BAHD1: variants seen among roughly 807,000 people sequenced by gnomAD.
The protein encoded by BAHD1 is bromo adjacent homology domain-containing 1 protein.
BAHD1 carries 20 observed loss-of-function variants against 63.1 expected under a neutral mutation model. That is an observed-to-expected ratio of 0.32 (90% confidence interval 0.22 to 0.46). BAHD1 has a LOEUF of 0.46. Among genes scored for constraint, BAHD1 ranks in the 20% least tolerant of loss-of-function variants. The pLI is 1.00. For missense variants in BAHD1, 939 were observed against 1,071.8 expected (o/e 0.88, Z 1.73); for synonymous variants, 408 against 426.8 (o/e 0.96, Z 0.54).
At chr15:40,450,247 G>C (rs1893663133) in intron 1 of BAHD1, among the ~76,000 whole-genome samples, 1 of 152,200 alleles carries the variant, frequency 6.6e-6, no homozygotes, top group Non-Finnish European at 1.5e-5. Context: ...TTCTGCTCCT[G>C]CTAGTGGAGT....
chr15:40,445,940 C>A (rs756295072), intron 1 of BAHD1, among the ~76,000 whole-genome samples: 1 of 152,196 alleles, frequency 6.6e-6, no homozygotes, highest in African/African-American at 2.4e-5. Flanking sequence ...TGGGCCAGCT[C>A]ATGGCTGGAA....
At chr15:40,463,544 G>A (rs1197851544) in intron 3 of BAHD1, among the ~76,000 whole-genome samples, 3 of 152,216 alleles carry the variant, frequency 2.0e-5, no homozygotes, top group African/African-American at 4.8e-5. Flanking sequence ...GGTTCAGACC[G>A]AGACTTGTTC....
Position 40,465,156 on chromosome 15 carries a change from AG to A in BAHD1, c.2053-176del, listed in dbSNP as rs745500883. 5.2e-4 allele frequency: 314 copies of A among 609,622 alleles called. 2 individuals carry two copies. The highest frequency in any genetic ancestry group is 7.7e-4 in the Non-Finnish European group (261 of 341,020). The allele number at this position is 609,622 out of a possible 1,614,324, so 37.8% of individuals were successfully genotyped here. On this transcript the variant is annotated intron_variant, in intron 5 of 6. Transcript: ENST00000416165. ...ATTCTGGAGAAGGGGGGGACCTAGAAGGGACTCAGGAGGAATGCCTGGAGGC... is the reference window on the plus strand; with the variant it reads ...ATTCTGGAGAAGGGGGGGACCTAGAAGGACTCAGGAGGAATGCCTGGAGGC...
rs1380271293 is a variant in BAHD1, at chr15:40,441,104, G to T, written c.-179G>T. ...CCCCCCCCGACGGCCCCGCCCGGCCGCGGTCCCCGCTCCGCCCGCCCGGCC... is the reference window on the plus strand; with the variant it reads ...CCCCCCCCGACGGCCCCGCCCGGCCTCGGTCCCCGCTCCGCCCGCCCGGCC... On this transcript the variant is annotated 5_prime_UTR_variant, in exon 1 of 7. Coordinates refer to ENST00000416165, the MANE Select transcript of BAHD1 (RefSeq NM_014952.5). The T allele has an allele frequency of 6.8e-6, 1 of 145,994 alleles. No homozygotes were observed. The highest frequency in any genetic ancestry group is 2.0e-4 in the East Asian group (1 of 4,946). 9.0% of individuals were successfully genotyped at this position (145,994 alleles called of 1,614,324 possible). A position where few individuals can be genotyped will look rare whatever the true frequency, so the allele number is the denominator to read the frequency against.
rs1595866181 is a variant in BAHD1 at position 40,466,360 on chromosome 15, C to A, written c.*230C>A. 7.8e-6 allele frequency: 3 copies of A among 382,312 alleles called. No individual in the cohort carries two copies. The East Asian group carries it at 1.3e-4, about 16-fold the overall frequency. The allele number at this position is 382,312 out of a possible 1,614,324, so 23.7% of individuals were successfully genotyped here. A position where few individuals can be genotyped will look rare whatever the true frequency, so the allele number is the denominator to read the frequency against. ...AGAACTCTCAGCTTGGCCCAAGGTA[C>A]CTTCTGTGGTTCCCCTGGGTGGAGA... On this transcript the variant is annotated 3_prime_UTR_variant, in exon 7 of 7. Transcript: ENST00000416165.
At chr15:40,464,301 C>T in intron 4 of BAHD1, 170 bp from the exon 5 acceptor site, 1 of 672,228 alleles carries the variant, frequency 1.5e-6, no homozygotes, top group Non-Finnish European at 2.6e-6. Context: ...CCCTCCATGC[C>T]TAACAGCATT....
At chr15:40,464,086 T>TG in intron 4 of BAHD1, 66 bp downstream of exon 4, 1 of 1,564,046 alleles carries the variant, frequency 6.4e-7, no homozygotes, top group Non-Finnish European at 8.7e-7. Context: ...GTCCCCAGAT[T>TG]GGCCCCTGCC....
chr15:40,445,314 T>C (rs1378037230), intron 1 of BAHD1, among the ~76,000 whole-genome samples: 1 of 149,824 alleles, frequency 6.7e-6, no homozygotes, highest in Admixed American at 6.6e-5. Context: ...AGGTATAAGT[T>C]GGGGCACATT....
At chr15:40,447,902 C>T (rs966647676) in intron 1 of BAHD1, among the ~76,000 whole-genome samples, 4 of 152,128 alleles carry the variant, frequency 2.6e-5, no homozygotes, top group African/African-American at 9.7e-5. Context: ...CTCATTTATT[C>T]ATTTATTTAT....
At chr15:40,453,335 G>C (rs1893759704) in intron 1 of BAHD1, 1 of 152,218 alleles carries the variant, frequency 6.6e-6, no homozygotes, top group African/African-American at 2.4e-5. Flanking sequence ...AATTTCAGCA[G>C]CTTCACCTGT....
Position 40,459,603 on chromosome 15 carries a change from A to G in BAHD1, c.1139A>G (p.Tyr380Cys), listed in dbSNP as rs984252393. The G allele has an allele frequency of 2.5e-6, 4 of 1,613,992 alleles. No homozygotes were observed. The highest frequency in any genetic ancestry group is 4.5e-5 in the East Asian group (2 of 44,892). ...GAGCTCACTGCACTAGGCAGCTTCT[A>G]CCTGTACTGTGGCCAAGAGGGGCTG... is the stretch of plus-strand genomic sequence containing the variant. Reference protein sequence around the residue: ...GPELTALGSFYLYCGQEGLQC... With the variant: ...GPELTALGSFCLYCGQEGLQC... Residue 380 changes from tyrosine to cysteine, a missense_variant, in exon 2 of 7, where the codon TAC becomes TGC. Tyr to Cys is a radical substitution (Grantham distance 194). Transcript: ENST00000416165.
At chr15:40,456,531 C>T (rs1348392767) in intron 1 of BAHD1, among the ~76,000 whole-genome samples, 1 of 152,230 alleles carries the variant, frequency 6.6e-6, no homozygotes, top group African/African-American at 2.4e-5. Flanking sequence ...TGTCCTTTCT[C>T]AGGGGTGAAG....
rs181181547 is a variant in BAHD1, at chr15:40,452,869, C to G, written c.-14-5582C>G. 2.8e-3 allele frequency among the ~76,000 whole-genome samples: 425 copies of G among 152,342 alleles called. 1 individual carries two copies. The highest frequency in any genetic ancestry group is 4.0e-3 in the Non-Finnish European group (273 of 68,032). On this transcript the variant is annotated intron_variant, in intron 1 of 6. Coordinates refer to ENST00000416165, the MANE Select transcript of BAHD1 (RefSeq NM_014952.5). ...TTGCTGAGTTGTAAACTGAACCCCC[C>G]ACAACTCACCCCACACTGGGTCCTG...
intron 1 of BAHD1, chr15:40,454,396 C>G (rs923902405): frequency 6.6e-6 from 1 of 152,410 alleles, no homozygotes; most frequent in African/African-American, 2.4e-5. Context: ...CACTCAGACC[C>G]TACTATGACA....
rs377354560 is a variant in BAHD1, at chr15:40,458,989, C to G, written c.525C>G (p.Asp175Glu). 2 of 1,585,024 alleles carry G rather than the reference C, an allele frequency of 1.3e-6. No homozygotes were observed. ...CCAAGAAGCGGCCCCGGCTGGGGGA[C>G]CTTGGAGGAGGAAGTCGGGACCTGT... is the stretch of plus-strand genomic sequence containing the variant. ...SSSKKRPRLG[D>E]LGGGSRDLSP... Residue 175 changes from aspartate (D) to glutamate (E), a missense_variant, in exon 2 of 7, where the codon GAC becomes GAG. By Grantham distance (45) the Asp-to-Glu change is conservative. This residue lies in a region of BAHD1 where 797 missense variants were observed against 813.3 expected (regional missense o/e 0.98). Coordinates refer to ENST00000416165, the MANE Select transcript of BAHD1 (RefSeq NM_014952.5). The surrounding 1 kb of genome is among the most constrained non-coding windows in gnomAD (Gnocchi z 4.7).
Position 40,462,231 on chromosome 15 carries a change from TCGC to T in BAHD1, c.1759_1761del (p.Arg587del). The stretch of plus-strand genomic sequence containing the variant: ...AGCGCCCACGCCCTCGCCGCCGCCG[TCGC>T]CGCCGCACTAATGGCTGGGTACCTG... On this transcript the variant is annotated inframe_deletion, in exon 3 of 7. Transcript: ENST00000416165. The T allele has an allele frequency of 1.2e-6, 2 of 1,611,276 alleles. No homozygotes were observed. The highest frequency in any genetic ancestry group is 1.7e-6 in the Non-Finnish European group (2 of 1,178,930).
chr15:40,455,494 G>C (rs569464592), intron 1 of BAHD1, among the ~76,000 whole-genome samples: 2 of 152,318 alleles, frequency 1.3e-5, no homozygotes, highest in Non-Finnish European at 2.9e-5. Flanking sequence ...GGAAGACTGA[G>C]TGGGGACAAC....
At chr15:40,447,306 C>G (rs1893566669) in intron 1 of BAHD1, among the ~76,000 whole-genome samples, 1 of 152,072 alleles carries the variant, frequency 6.6e-6, no homozygotes, top group Admixed American at 6.5e-5. Context: ...GTGGCTCACA[C>G]CTTTAATCCC....
intron 1 of BAHD1, among the ~76,000 whole-genome samples, chr15:40,443,031 T>G (rs1327571746): frequency 6.6e-6 from 1 of 152,190 alleles, no homozygotes; most frequent in East Asian, 1.9e-4. Flanking sequence ...AGAGCTCCCA[T>G]GCCCTCCATG....
Sources: gnomAD v4.1 joint callset for allele counts (sites outside exome capture counted in the v4.1 genomes callset) on GRCh38, gnomAD v4.1.1 for gene constraint, gnomAD v4.1.1 regional missense constraint, Gnocchi (gnomAD v3.1) non-coding constraint, MANE v1.5 for transcripts, NCBI Gene and HGNC (gene_info 2026-07-23, HGNC 2026-07-21) for gene names.